Variants in SLC35F3 observed in about 807,000 individuals in gnomAD.
SLC35F3 encodes the protein solute carrier family 35 member F3.
Under a neutral mutation model 49.9 loss-of-function variants are expected in SLC35F3, and 25 were observed. That is an observed-to-expected ratio of 0.50 (90% CI 0.37 to 0.70). SLC35F3 has a LOEUF of 0.70. Among genes scored for constraint, SLC35F3 ranks in the 30% least tolerant of loss-of-function variants. SLC35F3 has a pLI of 0.00. For synonymous variants in SLC35F3, 275 were observed against 265.4 expected (o/e 1.04, Z -0.35); for missense variants, 525 against 639.8 (o/e 0.82, Z 1.94).
chr1:234,173,869 T>C (rs750246086), intron 2 of SLC35F3, among the ~76,000 whole-genome samples: 33 of 152,190 alleles, frequency 2.2e-4, no homozygotes, highest in Admixed American at 4.6e-4. Flanking sequence ...TCCTCCGCTC[T>C]CTGACAAATT....
intron 2 of SLC35F3, among the ~76,000 whole-genome samples, chr1:234,095,612 T>C (rs1453191320): frequency 6.6e-6 from 1 of 152,240 alleles, no homozygotes; most frequent in Non-Finnish European, 1.5e-5. Context: ...ATTTTATTTA[T>C]ATGACATGAT....
chr1:234,268,422 C>T (rs368009787), intron 3 of SLC35F3, among the ~76,000 whole-genome samples: 44 of 151,818 alleles, frequency 2.9e-4, no homozygotes, highest in African/African-American at 1.0e-3. Context: ...AGCTTTGGCT[C>T]GGCATCAGAG....
intron 2 of SLC35F3, among the ~76,000 whole-genome samples, chr1:234,195,770 C>T (rs1666798829): frequency 6.6e-6 from 1 of 152,084 alleles, no homozygotes; most frequent in African/African-American, 2.4e-5. Context: ...GTGGGAGGAA[C>T]CCAGTGGGAG....
intron 2 of SLC35F3, among the ~76,000 whole-genome samples, chr1:234,053,563 A>G (rs952815088): frequency 2.0e-5 from 3 of 152,138 alleles, no homozygotes; most frequent in Non-Finnish European, 2.9e-5. Flanking sequence ...TCTCCTGAAT[A>G]TAGCACACTG....
At position 234,016,827 on chromosome 1, in the gene SLC35F3, G is replaced by A. The variant is rs530952922; in HGVS notation, c.283+111069G>A. 9.9e-5 allele frequency among the ~76,000 whole-genome samples: 15 copies of A among 152,228 alleles called. No homozygotes were observed. In the South Asian group the frequency reaches 1.2e-3, roughly 13 times the overall value. On this transcript the variant is annotated intron_variant, in intron 2 of 7. Transcript: ENST00000366618. ...TGGTACAAAGAATTTAAGAAGCCCC[G>A]GTCTAAGGTTTGTGCCTTTGTTCGC... is the stretch of plus-strand genomic sequence containing the variant.
chr1:233,905,167 G>C (rs374640517), intron 1 of SLC35F3, 37 bp downstream of exon 1: 8 of 1,548,842 alleles, frequency 5.2e-6, no homozygotes. Context: ...GCGAGCCGGC[G>C]GGCGGGAGGC....
At chr1:234,083,839 CTTT>C (rs35359755) in intron 2 of SLC35F3, among the ~76,000 whole-genome samples, 12 of 138,142 alleles carry the variant, frequency 8.7e-5, no homozygotes, top group Non-Finnish European at 1.6e-4. Flanking sequence ...TTGGTTTTGG[CTTT>C]TTTTTTTTTT....
chr1:234,073,825 TGTC>T (rs1664755239), intron 2 of SLC35F3, among the ~76,000 whole-genome samples: 1 of 152,218 alleles, frequency 6.6e-6, no homozygotes. Context: ...CCAAGTTTGA[TGTC>T]GTACTTGCTT....
At chr1:234,268,507 A>G (rs1024924101) in intron 3 of SLC35F3, 2 of 152,282 alleles carry the variant, frequency 1.3e-5, no homozygotes, top group African/African-American at 4.8e-5. Context: ...GCACATGGTT[A>G]TATACTTATG....
At chr1:234,037,150 A>T (rs1664154564) in intron 2 of SLC35F3, among the ~76,000 whole-genome samples, 1 of 152,240 alleles carries the variant, frequency 6.6e-6, no homozygotes, top group Non-Finnish European at 1.5e-5. Context: ...TAGGCTGTAC[A>T]TAAAATGAGG....
In SLC35F3 at chr1:233,978,786, T is replaced by G. The variant is rs570914915; in HGVS notation, c.283+73028T>G. Among the ~76,000 whole-genome samples the G allele has an allele frequency of 4.7e-4, 72 of 152,210 alleles. No individual in the cohort carries two copies. In the South Asian group the frequency reaches 0.01, roughly 21 times the overall value. On this transcript the variant is annotated intron_variant, in intron 2 of 7. Transcript: ENST00000366618. ...GGCTCACGCCTGTAATCCCAGCACT[T>G]TGGGAGGCCGAGGCGGGCGGATCAC...
chr1:234,308,578 C>T (rs770339576), intron 3 of SLC35F3, among the ~76,000 whole-genome samples: 9 of 151,986 alleles, frequency 5.9e-5, no homozygotes, highest in Non-Finnish European at 8.8e-5. Context: ...ACCCTGTCTT[C>T]CCCAGAGTAT....
chr1:234,120,222 T>C (rs574721633), intron 2 of SLC35F3, among the ~76,000 whole-genome samples: 3 of 152,366 alleles, frequency 2.0e-5, no homozygotes, highest in African/African-American at 7.2e-5. Flanking sequence ...TACATTCTTA[T>C]CACTACTGAA....
chr1:234,109,878 C>T (rs1449891770), intron 2 of SLC35F3, among the ~76,000 whole-genome samples: 1 of 152,150 alleles, frequency 6.6e-6, no homozygotes, highest in African/African-American at 2.4e-5. Context: ...GGCATTTGAG[C>T]TGGGCTTTGA....
chr1:233,918,778 T>TTCTC (rs139769087), intron 2 of SLC35F3, among the ~76,000 whole-genome samples: 7 of 144,034 alleles, frequency 4.9e-5, no homozygotes, highest in African/African-American at 1.5e-4. Context: ...CTCTCTCTCT[T>TTCTC]TCTCTCTCTC....
intron 2 of SLC35F3, among the ~76,000 whole-genome samples, chr1:234,044,252 A>G (rs973710024): frequency 2.0e-5 from 3 of 152,250 alleles, no homozygotes; most frequent in African/African-American, 7.2e-5. Flanking sequence ...AGTCAGTGCC[A>G]TGCCCTTGAA....
intron 2 of SLC35F3, among the ~76,000 whole-genome samples, chr1:233,915,234 G>C (rs1307905408): frequency 6.6e-6 from 1 of 152,144 alleles, no homozygotes; most frequent in Non-Finnish European, 1.5e-5. Context: ...CCATCTACTT[G>C]TAACAATGTA....
At chr1:233,999,805 A>T (rs1026506414) in intron 2 of SLC35F3, among the ~76,000 whole-genome samples, 1 of 152,130 alleles carries the variant, frequency 6.6e-6, no homozygotes, top group African/African-American at 2.4e-5. Context: ...AGACTTTAAC[A>T]TTTGTGAAAA....
chr1:234,090,326 G>A (rs546157686), intron 2 of SLC35F3, among the ~76,000 whole-genome samples: 4 of 152,372 alleles, frequency 2.6e-5, no homozygotes, highest in African/African-American at 4.8e-5. Flanking sequence ...GTGATACTAC[G>A]GGAAGGTGCA....
Sources: allele counts gnomAD v4.1 joint callset (sites outside exome capture counted in the v4.1 genomes callset), GRCh38; gene constraint gnomAD v4.1.1; transcripts MANE v1.5; gene names NCBI Gene and HGNC (gene_info 2026-07-23, HGNC 2026-07-21).